NELL2: variants seen among roughly 807,000 people sequenced by gnomAD.
NELL2 encodes neural EGFL like 2.
NELL2 carries 41 observed loss-of-function variants against 109.6 expected under a neutral mutation model. The observed-to-expected ratio is 0.37, with a 90% CI of 0.29 to 0.49. The LOEUF (loss-of-function observed/expected upper bound fraction) is 0.49, where lower values mean the gene tolerates loss of function less well. Among genes scored for constraint, NELL2 ranks in the 20% least tolerant of loss-of-function variants. The pLI is 0.98. For missense variants in NELL2, 900 were observed against 1,008.3 expected, an observed-to-expected ratio of 0.89 and a Z score of 1.45; for synonymous variants, 355 against 344.7, an observed-to-expected ratio of 1.03 and a Z score of -0.33.
rs1476021973 is a variant in NELL2 at position 44,684,723 on chromosome 12, T to C, written c.1318+19003A>G. Among the ~76,000 whole-genome samples the C allele has an allele frequency of 1.4e-4, 22 of 152,246 alleles. No individual in the cohort carries two copies. In the East Asian group the frequency reaches 2.9e-3, roughly 20 times the overall value. The stretch of plus-strand genomic sequence containing the variant: ...GTTGTTCAGTTTCCATGTAGTTGAG[T>C]GGTTTTGAGTGAGATTCTTAATCCT... On this transcript the variant is annotated intron_variant, in intron 12 of 19. Coordinates refer to ENST00000429094, the MANE Select transcript of NELL2 (RefSeq NM_001145108.2).
At chr12:44,745,436 G>A (rs1940281367) in intron 9 of NELL2, among the ~76,000 whole-genome samples, 1 of 152,116 alleles carries the variant, frequency 6.6e-6, no homozygotes, top group Admixed American at 6.5e-5. Context: ...ACATAGTGTT[G>A]GAGGTTCTGG....
chr12:44,709,525 A>G (rs1938077145), intron 11 of NELL2, among the ~76,000 whole-genome samples: 1 of 152,134 alleles, frequency 6.6e-6, no homozygotes, highest in Non-Finnish European at 1.5e-5. Flanking sequence ...GAGCACAAGA[A>G]TCACCTAGCC....
At chr12:44,555,249 T>C (rs1345731883) in intron 15 of NELL2, among the ~76,000 whole-genome samples, 1 of 152,076 alleles carries the variant, frequency 6.6e-6, no homozygotes, top group African/African-American at 2.4e-5. Flanking sequence ...TCAGATTCAG[T>C]TTGAGTAGGA....
At chr12:44,791,706 GA>G in intron 3 of NELL2, among the ~76,000 whole-genome samples, 1 of 152,240 alleles carries the variant, frequency 6.6e-6, no homozygotes, top group East Asian at 1.9e-4. Context: ...TAGAAGACAA[GA>G]GGTGCCACTG....
At chr12:44,888,028 A>G (rs1203744000) in intron 1 of NELL2, among the ~76,000 whole-genome samples, 1 of 152,008 alleles carries the variant, frequency 6.6e-6, no homozygotes, top group Non-Finnish European at 1.5e-5. Flanking sequence ...GGTGAGAGAT[A>G]GCAGACTAGT....
chr12:44,564,952 A>C (rs1443817149), intron 15 of NELL2, among the ~76,000 whole-genome samples: 2 of 152,210 alleles, frequency 1.3e-5, no homozygotes, highest in Non-Finnish European at 2.9e-5. Context: ...TATCCCTTAC[A>C]GCAGTGGTTC....
At chr12:44,898,193 T>G (rs1945617079) in intron 1 of NELL2, among the ~76,000 whole-genome samples, 1 of 152,088 alleles carries the variant, frequency 6.6e-6, no homozygotes, top group African/African-American at 2.4e-5. Context: ...TCAGCAGACT[T>G]AAACGTTCCT....
intron 12 of NELL2, among the ~76,000 whole-genome samples, chr12:44,686,261 T>C (rs1297169783): frequency 1.3e-5 from 2 of 152,218 alleles, no homozygotes; most frequent in Non-Finnish European, 2.9e-5. Context: ...GGTTTTCAGC[T>C]CCATCAGCTC....
chr12:44,557,684 T>C (rs1943309144), intron 15 of NELL2, among the ~76,000 whole-genome samples: 1 of 152,150 alleles, frequency 6.6e-6, no homozygotes, highest in Non-Finnish European at 1.5e-5. Flanking sequence ...AACACAGGTA[T>C]GGGGTTCAAG....
intron 2 of NELL2, among the ~76,000 whole-genome samples, chr12:44,864,646 CA>C (rs1164974072): frequency 2.6e-5 from 4 of 152,142 alleles, no homozygotes; most frequent in Non-Finnish European, 5.9e-5. Context: ...CTACTTTCAG[CA>C]ATGAACAGAT....
chr12:44,569,396 C>G (rs1592134874), intron 15 of NELL2, among the ~76,000 whole-genome samples: 1 of 152,022 alleles, frequency 6.6e-6, no homozygotes, highest in Non-Finnish European at 1.5e-5. Flanking sequence ...TGGATATATG[C>G]CCAATAATGA....
chr12:44,620,188 C>T (rs2136270096), intron 13 of NELL2, among the ~76,000 whole-genome samples: 1 of 150,988 alleles, frequency 6.6e-6, no homozygotes, highest in East Asian at 2.0e-4. Flanking sequence ...AGGCAAGGAC[C>T]ATCTTAGGAA....
intron 1 of NELL2, among the ~76,000 whole-genome samples, chr12:44,890,770 A>G (rs879590793): frequency 1.1e-4 from 17 of 151,438 alleles, no homozygotes; most frequent in Non-Finnish European, 1.8e-4. Flanking sequence ...TCACTCTGTC[A>G]CCCAGGCTGG....
chr12:44,829,009 T>C (rs1278570729), intron 2 of NELL2, among the ~76,000 whole-genome samples: 1 of 152,270 alleles, frequency 6.6e-6, no homozygotes, highest in Admixed American at 6.5e-5. Flanking sequence ...ATTAATACTT[T>C]TGGCTAGTGT....
At chr12:44,561,562 A>G (rs1168607923) in intron 15 of NELL2, among the ~76,000 whole-genome samples, 2 of 152,186 alleles carry the variant, frequency 1.3e-5, no homozygotes, top group African/African-American at 2.4e-5. Flanking sequence ...GTGAATTCCC[A>G]TTAACAATTG....
At chr12:44,834,677 C>A (rs891772735) in intron 2 of NELL2, among the ~76,000 whole-genome samples, 2 of 152,010 alleles carry the variant, frequency 1.3e-5, no homozygotes, top group African/African-American at 4.8e-5. Flanking sequence ...TGTGAGCGCT[C>A]GGGCCTCACC....
At chr12:44,819,379 A>G (rs551843948) in intron 2 of NELL2, among the ~76,000 whole-genome samples, 39 of 152,350 alleles carry the variant, frequency 2.6e-4, no homozygotes, top group Non-Finnish European at 3.4e-4. Context: ...TTAAACATCC[A>G]TCATATTTTG....
chr12:44,710,995 T>C (rs927656265), intron 11 of NELL2, among the ~76,000 whole-genome samples: 2 of 152,126 alleles, frequency 1.3e-5, no homozygotes, highest in East Asian at 3.8e-4. Flanking sequence ...TAACTTTCTT[T>C]AGCAAAGCTG....
At chr12:44,720,064 A>T (rs897131757) in intron 9 of NELL2, among the ~76,000 whole-genome samples, 5 of 152,294 alleles carry the variant, frequency 3.3e-5, no homozygotes, top group Admixed American at 6.5e-5. Context: ...CTTGGAGTCA[A>T]TTCTTAACAA....
Sources: gnomAD v4.1 joint callset for allele counts (sites outside exome capture counted in the v4.1 genomes callset) on GRCh38, gnomAD v4.1.1 for gene constraint, MANE v1.5 for transcripts, NCBI Gene and HGNC (gene_info 2026-07-23, HGNC 2026-07-21) for gene names.